The following SGCZ variants were observed in gnomAD, a reference collection of about 807,000 sequenced individuals.
SGCZ encodes sarcoglycan zeta.
SGCZ carries 40 observed loss-of-function variants against 41.3 expected under a neutral mutation model. That is an observed-to-expected ratio of 0.97 (90% CI 0.75 to 1.26). The LOEUF is 1.26. Ranked by LOEUF, SGCZ falls within the 50% of genes most tolerant of loss-of-function variation. The pLI, the probability that SGCZ is intolerant of heterozygous loss-of-function variation, is 0.00. For synonymous variants in SGCZ, 206 were observed against 137.5 expected (o/e 1.50, Z -3.49); for missense variants, 552 against 369.8 (o/e 1.49, Z -4.04).
chr8:15,029,395 T>A (rs1004705797), intron 1 of SGCZ, among the ~76,000 whole-genome samples: 1 of 152,062 alleles, frequency 6.6e-6, no homozygotes, highest in African/African-American at 2.4e-5. Context: ...TTCTGTGGAC[T>A]TTTTACTGGA....
intron 1 of SGCZ, among the ~76,000 whole-genome samples, chr8:14,942,069 C>A (rs1356513863): frequency 5.9e-5 from 9 of 152,048 alleles, no homozygotes; most frequent in East Asian, 3.9e-4. Flanking sequence ...TCATTAGGAA[C>A]CCCCAGCAGG....
intron 1 of SGCZ, among the ~76,000 whole-genome samples, chr8:15,060,589 G>A (rs1804889085): frequency 6.6e-6 from 1 of 150,954 alleles, no homozygotes; most frequent in Admixed American, 6.6e-5. Flanking sequence ...GAGTTAATGG[G>A]TGCAGCACAC....
chr8:15,169,159 C>T (rs268401), intron 1 of SGCZ, among the ~76,000 whole-genome samples: 132,968 of 152,196 alleles, frequency 0.87, 58,107 homozygotes, highest in East Asian at 0.9. Context: ...CTGACTGCCG[C>T]TTCCCCCAAA....
chr8:15,095,810 G>T (rs771856586), intron 1 of SGCZ, among the ~76,000 whole-genome samples: 6 of 152,080 alleles, frequency 3.9e-5, no homozygotes, highest in Admixed American at 1.3e-4. Context: ...CAAACAAAAT[G>T]CATCTTTATT....
chr8:14,448,099 A>C (rs1261856320), intron 2 of SGCZ, among the ~76,000 whole-genome samples: 2 of 152,206 alleles, frequency 1.3e-5, no homozygotes, highest in African/African-American at 2.4e-5. Flanking sequence ...AAATAGTAGC[A>C]GTAACAATTA....
At chr8:14,883,521 A>C (rs190084925) in intron 1 of SGCZ, among the ~76,000 whole-genome samples, 6 of 152,298 alleles carry the variant, frequency 3.9e-5, no homozygotes, top group Admixed American at 2.0e-4. Flanking sequence ...TATTTTATTT[A>C]GTAATGACAA....
At chr8:14,652,314 C>G (rs1247184913) in intron 1 of SGCZ, among the ~76,000 whole-genome samples, 19 of 101,500 alleles carry the variant, frequency 1.9e-4, no homozygotes, top group Non-Finnish European at 1.4e-4. Flanking sequence ...GCATGCCACT[C>G]TGGGTGACAC....
chr8:14,237,355 T>C (rs1428222740), intron 4 of SGCZ, among the ~76,000 whole-genome samples: 3 of 152,036 alleles, frequency 2.0e-5, no homozygotes, highest in Non-Finnish European at 4.4e-5. Flanking sequence ...GGAAATAACA[T>C]ACTTCCACTT....
chr8:14,945,274 T>G (rs1344846861), intron 1 of SGCZ, among the ~76,000 whole-genome samples: 1 of 152,146 alleles, frequency 6.6e-6, no homozygotes. Flanking sequence ...AAAATCTATA[T>G]AGATCAAATT....
chr8:14,651,605 T>C (rs1245111935), intron 1 of SGCZ, among the ~76,000 whole-genome samples: 2 of 152,112 alleles, frequency 1.3e-5, no homozygotes, highest in Non-Finnish European at 1.5e-5. Context: ...TAGCTCATTT[T>C]CAATAAATTA....
rs189595149 is a variant in SGCZ, at chr8:14,243,956, T to C, written c.337-6277A>G. On this transcript the variant is annotated intron_variant, in intron 3 of 7. Transcript: ENST00000382080. Reference sequence around the variant, plus strand: ...AAACATAGTATGCTGTCAATTAGTTTTTCTCATACAGACTTTTAAAAGTAT... The same window carrying C: ...AAACATAGTATGCTGTCAATTAGTTCTTCTCATACAGACTTTTAAAAGTAT... Among the ~76,000 whole-genome samples, 17 of 152,326 alleles carry C rather than the reference T, an allele frequency of 1.1e-4. No individual in the cohort carries two copies. In the East Asian group the frequency reaches 3.1e-3, roughly 28 times the overall value.
At chr8:14,641,105 G>T (rs1166915088) in intron 1 of SGCZ, among the ~76,000 whole-genome samples, 1 of 151,416 alleles carries the variant, frequency 6.6e-6, no homozygotes, top group Non-Finnish European at 1.5e-5. Context: ...CTTCCAAAAA[G>T]ATTAGAGGGG....
chr8:14,880,369 T>C (rs746235056), intron 1 of SGCZ, among the ~76,000 whole-genome samples: 3 of 152,194 alleles, frequency 2.0e-5, no homozygotes, highest in Non-Finnish European at 4.4e-5. Context: ...TGTAAACTAG[T>C]TCAACCATTG....
chr8:14,988,078 A>C (rs529166214), intron 1 of SGCZ, among the ~76,000 whole-genome samples: 2 of 152,148 alleles, frequency 1.3e-5, no homozygotes, highest in East Asian at 3.9e-4. Flanking sequence ...CCTGGAATGC[A>C]CAATAAGTTT....
chr8:15,006,541 C>T (rs936464699), intron 1 of SGCZ, among the ~76,000 whole-genome samples: 1 of 152,054 alleles, frequency 6.6e-6, no homozygotes, highest in African/African-American at 2.4e-5. Context: ...ATTGTTTACC[C>T]CACGAAGAAA....
At chr8:14,739,605 G>A (rs1413728161) in intron 1 of SGCZ, among the ~76,000 whole-genome samples, 1 of 151,988 alleles carries the variant, frequency 6.6e-6, no homozygotes, top group African/African-American at 2.4e-5. Context: ...CAATTTTAAT[G>A]TAAATTCTTC....
intron 1 of SGCZ, among the ~76,000 whole-genome samples, chr8:14,846,841 G>A (rs960413485): frequency 6.6e-6 from 1 of 151,860 alleles, no homozygotes; most frequent in South Asian, 2.1e-4. Flanking sequence ...AGGCCGAGTC[G>A]GGTGGATTGC....
rs538913685 is a variant in SGCZ at position 14,637,907 on chromosome 8, C to T, written c.40-82981G>A. On this transcript the variant is annotated intron_variant, in intron 1 of 7. Transcript: ENST00000382080. ...TGAGAAGTCTGCAAACTGCTTTTCA[C>T]AGGGGCTAATTTACATTCCTACCAT... 1.4e-4 allele frequency among the ~76,000 whole-genome samples: 21 copies of T among 151,918 alleles called. No individual in the cohort carries two copies. The South Asian group carries it at 4.1e-3, about 30-fold the overall frequency.
At position 14,133,809 on chromosome 8, in the gene SGCZ, G is replaced by A. The variant is rs184038561; in HGVS notation, c.548-25574C>T. On this transcript the variant is annotated intron_variant, in intron 5 of 7. Coordinates refer to ENST00000382080, the MANE Select transcript of SGCZ (RefSeq NM_139167.4). Reference sequence around the variant, plus strand: ...CTTGGAGCTGCTGCTCCATCATTTCGCTCATATTAACCTCAACATGTATTT... The same window carrying A: ...CTTGGAGCTGCTGCTCCATCATTTCACTCATATTAACCTCAACATGTATTT... 5.3e-5 allele frequency among the ~76,000 whole-genome samples: 8 copies of A among 151,700 alleles called. 1 individual carries two copies. Among genetic ancestry groups the A allele is most frequent in the East Asian group, 3.9e-4 (2 of 5,152 alleles).
Sources: gnomAD v4.1 joint callset for allele counts (sites outside exome capture counted in the v4.1 genomes callset) on GRCh38, gnomAD v4.1.1 for gene constraint, MANE v1.5 for transcripts, NCBI Gene and HGNC (gene_info 2026-07-23, HGNC 2026-07-21) for gene names.